KMT2B: variants seen among roughly 807,000 people sequenced by gnomAD.
KMT2B encodes histone-lysine N-methyltransferase 2B.
A neutral mutation model predicts 255.3 loss-of-function variants in KMT2B; 22 were observed. The observed-to-expected ratio is 0.09, with a 90% CI of 0.06 to 0.12. The LOEUF (loss-of-function observed/expected upper bound fraction) is 0.12, where lower values mean the gene tolerates loss of function less well. Among genes scored for constraint, KMT2B ranks in the 10% least tolerant of loss-of-function variants. The pLI is 1.00. For synonymous variants in KMT2B, 1,730 were observed against 1,498.1 expected (o/e 1.15, Z -3.57); for missense variants, 3,149 against 3,737.0 (o/e 0.84, Z 4.10).
chr19:35,732,363 G>A lies in KMT2B; in HGVS notation c.5814G>A (p.Gln1938=). The change falls in exon 28 of 37, where the codon CAG becomes CAA. Residue 1938 remains glutamine (Q), a synonymous_variant. Coordinates refer to ENST00000420124, the MANE Select transcript of KMT2B (RefSeq NM_014727.3). Reference sequence around the variant, plus strand: ...CCCCTCCTCTAAAAACCTCCCCTCAGCTCAGGGTGCCCCCTCCTACCTCAG... The same window carrying A: ...CCCCTCCTCTAAAAACCTCCCCTCAACTCAGGGTGCCCCCTCCTACCTCAG... ...WASPPLKTSP[Q]LRVPPPTSVV... The A allele has an allele frequency of 7.4e-6, 12 of 1,612,576 alleles. No homozygotes were observed. The highest frequency in any genetic ancestry group is 1.0e-5 in the Non-Finnish European group (12 of 1,179,324).
In KMT2B at chr19:35,732,866, C is replaced by T. The variant is rs1302449019; in HGVS notation, c.6317C>T (p.Pro2106Leu). The T allele has an allele frequency of 2.5e-6, 4 of 1,609,964 alleles. No individual in the cohort carries two copies. Among genetic ancestry groups the T allele is most frequent in the African/African-American group, 1.3e-5 (1 of 75,026 alleles). ...LGAAGDRARP[P>L]EDLPSEIVDF... The stretch of plus-strand genomic sequence containing the variant: ...GCTGCAGGGGACAGGGCCCGGCCTC[C>T]TGAGGACCTGCCATCGGAAATTGTG... The change falls in exon 28 of 37, where the codon CCT becomes CTT. Residue 2106 changes from proline to leucine, a missense_variant. By Grantham distance (98) the Pro-to-Leu change is moderately conservative. This residue lies in a region of KMT2B where 897 missense variants were observed against 825.3 expected (regional missense o/e 1.09). Transcript: ENST00000420124.
chr19:35,738,365 C>T lies in KMT2B; in HGVS notation c.7956C>T (p.Asn2652=), dbSNP rs761810501. ...ATGGCAATGCCGCCCGCTTCATCAA[C>T]CACTCCTGTGAGCCCAACTGCTTCT... is the stretch of plus-strand genomic sequence containing the variant. ...TMHGNAARFI[N]HSCEPNCFSR... The change falls in exon 37 of 37, where the codon AAC becomes AAT. Residue 2652 remains asparagine, a synonymous_variant. Coordinates refer to ENST00000420124, the MANE Select transcript of KMT2B (RefSeq NM_014727.3). The surrounding 1 kb of genome is among the most constrained non-coding windows in gnomAD (Gnocchi z 8.7). 1 of 1,614,098 alleles carries T rather than the reference C, an allele frequency of 6.2e-7. No homozygotes were observed. The highest frequency in any genetic ancestry group is 8.5e-7 in the Non-Finnish European group (1 of 1,179,968).
chr19:35,726,985 A>C lies in KMT2B; in HGVS notation c.4004-171A>C, dbSNP rs1438621263. 5.7e-4 allele frequency among the ~76,000 whole-genome samples: 42 copies of C among 73,900 alleles called. No individual in the cohort carries two copies. In the South Asian group the frequency reaches 0.017, roughly 30 times the overall value. 48.5% of individuals were successfully genotyped at this position (73,900 alleles called of 152,430 possible). ...GGTGACAGAGCAAGACACTGTCTCA[A>C]AAAAAAAAAAAAAAAAAAAGCCTCA... On this transcript the variant is annotated intron_variant, in intron 14 of 36. Transcript: ENST00000420124.
chr19:35,721,137 C>A lies in KMT2B; in HGVS notation c.1790C>A (p.Pro597His). The change falls in exon 3 of 37, where the codon CCT (proline) becomes CAT (histidine). Residue 597 changes from proline to histidine, a missense_variant. Pro to His is a moderately conservative substitution (Grantham distance 77, BLOSUM62 -2). Transcript: ENST00000420124. ...PTPPSTPVPL[P>H]EKRRSILREP... ...CCTCCATCTACCCCAGTTCCACTCCCTGAGAAGAGACGGTCCATCCTAAGG... is the reference window on the plus strand; with the variant it reads ...CCTCCATCTACCCCAGTTCCACTCCATGAGAAGAGACGGTCCATCCTAAGG... 1 of 1,604,856 alleles carries A rather than the reference C, an allele frequency of 6.2e-7. No homozygotes were observed. Among genetic ancestry groups the A allele is most frequent in the South Asian group, 1.1e-5 (1 of 89,208 alleles).
Position 35,725,823 on chromosome 19 carries a change from G to A in KMT2B, c.3885+5G>A. 6.4e-7 allele frequency: 1 copy of A among 1,563,916 alleles called. No homozygotes were observed. Among genetic ancestry groups the A allele is most frequent in the South Asian group, 1.2e-5 (1 of 85,598 alleles). The stretch of plus-strand genomic sequence containing the variant: ...ACGCGCAAACGGCGCCACTGGGTGA[G>A]AGATGAGGTTCACCCACTTGCTTTG... On this transcript the variant is annotated splice_donor_5th_base_variant and intron_variant, in intron 13 of 36. Transcript: ENST00000420124. This position sits in a 1 kb window ranked among gnomAD's most constrained non-coding sequence, Gnocchi z 4.1.
rs1969965289 is a variant in KMT2B at position 35,737,525 on chromosome 19, A to T, written c.7551-111A>T. The stretch of plus-strand genomic sequence containing the variant: ...GGCAAAACCCCATCTCTAAAATAAA[A>T]ATTTAAAAAAGTTATTTCTAGAGCT... On this transcript the variant is annotated intron_variant, in intron 33 of 36. Coordinates refer to ENST00000420124, the MANE Select transcript of KMT2B (RefSeq NM_014727.3). The surrounding 1 kb of genome is among the most constrained non-coding windows in gnomAD (Gnocchi z 5.3). 4.7e-6 allele frequency: 4 copies of T among 845,508 alleles called. No individual in the cohort carries two copies. The highest frequency in any genetic ancestry group is 1.7e-5 in the African/African-American group (1 of 58,384). 52.4% of individuals were successfully genotyped at this position (845,508 alleles called of 1,614,324 possible).
chr19:35,718,440 G>C lies in KMT2B; in HGVS notation c.363+59G>C. 1 of 1,218,570 alleles carries C rather than the reference G, an allele frequency of 8.2e-7. No individual in the cohort carries two copies. Among genetic ancestry groups the C allele is most frequent in the Non-Finnish European group, 1.0e-6 (1 of 970,438 alleles). 75.5% of individuals were successfully genotyped at this position (1,218,570 alleles called of 1,614,324 possible). The stretch of plus-strand genomic sequence containing the variant: ...GGGGCGGAGGCCGGGGCTTCCAGGG[G>C]TCTGGGTTGTCCCGGGGGCGGCGTG... On this transcript the variant is annotated intron_variant, in intron 1 of 36. Coordinates refer to ENST00000420124, the MANE Select transcript of KMT2B (RefSeq NM_014727.3). The surrounding 1 kb of genome is among the most constrained non-coding windows in gnomAD (Gnocchi z 5.0).
At position 35,725,762 on chromosome 19, in the gene KMT2B, C is replaced by A; in HGVS notation, c.3829C>A (p.Pro1277Thr). 1 of 1,602,972 alleles carries A rather than the reference C, an allele frequency of 6.2e-7. No individual in the cohort carries two copies. The highest frequency in any genetic ancestry group is 1.3e-5 in the African/African-American group (1 of 74,782). ...CGAGCGCTGCCGCCATGCATACCAC[C>A]CGGCCTGTCTGGGGCCCAGCTATCC... ...ECERCRHAYH[P>T]ACLGPSYPTR... Residue 1277 changes from proline (P) to threonine (T), a missense_variant, in exon 13 of 37, where the codon CCG becomes ACG. By Grantham distance (38) the Pro-to-Thr change is conservative. Coordinates refer to ENST00000420124, the MANE Select transcript of KMT2B (RefSeq NM_014727.3). The surrounding 1 kb of genome is among the most constrained non-coding windows in gnomAD (Gnocchi z 4.1).
At chr19:35,728,698 C>G in intron 19 of KMT2B, 76 bp from the exon 20 acceptor site, 2 of 1,092,884 alleles carry the variant, frequency 1.8e-6, no homozygotes, top group Non-Finnish European at 1.4e-6. Flanking sequence ...ATGGCGAGTT[C>G]AGGCTGGTTT....
Position 35,732,562 on chromosome 19 carries a change from G to C in KMT2B, c.6013G>C (p.Glu2005Gln). Residue 2005 changes from glutamate (E) to glutamine (Q), a missense_variant, in exon 28 of 37, where the codon GAA (glutamate) becomes CAA (glutamine). Around this residue, in one of 18 missense-constraint regions of KMT2B, gnomAD observed 897 missense variants for 825.3 expected, o/e 1.09. Transcript: ENST00000420124. ...ASLLGTEPFQ[E>Q]EIVAAGAMGS... ...CCTGCTGGGGACTGAGCCCTTCCAG[G>C]AAGAGATTGTAGCCGCTGGGGCCAT... 1 of 1,613,728 alleles carries C rather than the reference G, an allele frequency of 6.2e-7. No individual in the cohort carries two copies. Among genetic ancestry groups the C allele is most frequent in the Non-Finnish European group, 8.5e-7 (1 of 1,179,858 alleles).
chr19:35,732,347 T>C lies in KMT2B; in HGVS notation c.5798T>C (p.Leu1933Pro). 2 of 1,611,674 alleles carry C rather than the reference T, an allele frequency of 1.2e-6. No individual in the cohort carries two copies. The highest frequency in any genetic ancestry group is 1.7e-6 in the Non-Finnish European group (2 of 1,178,944). Residue 1933 changes from leucine (L) to proline (P), a missense_variant, in exon 28 of 37, where the codon CTA becomes CCA. Physicochemically the swap from Leu to Pro is moderately conservative, Grantham distance 98. Around this residue, in one of 18 missense-constraint regions of KMT2B, gnomAD observed 897 missense variants for 825.3 expected, o/e 1.09. Coordinates refer to ENST00000420124, the MANE Select transcript of KMT2B (RefSeq NM_014727.3). Reference protein sequence around the residue: ...PPPSRWASPPLKTSPQLRVPP... With the variant: ...PPPSRWASPPPKTSPQLRVPP... ...CCATCACGGTGGGCCTCCCCTCCTC[T>C]AAAAACCTCCCCTCAGCTCAGGGTG...
Position 35,736,691 on chromosome 19 carries a change from T to G in KMT2B, c.7161T>G (p.Gly2387=). The G allele has an allele frequency of 6.2e-7, 1 of 1,613,458 alleles. No individual in the cohort carries two copies. The highest frequency in any genetic ancestry group is 8.5e-7 in the Non-Finnish European group (1 of 1,179,574). The change falls in exon 31 of 37, where the codon GGT becomes GGG. Residue 2387 remains glycine (G), a splice_region_variant and synonymous_variant. Coordinates refer to ENST00000420124, the MANE Select transcript of KMT2B (RefSeq NM_014727.3). ...LLESQWHHYS[G]EASSSEEEPP... ...CTCCAACCTGCTTCTTGGGACCAGG[T>G]GAGGCTTCGAGCTCTGAGGAAGAGC... is the stretch of plus-strand genomic sequence containing the variant.
In KMT2B at chr19:35,725,647, A is replaced by G. The variant is rs1360979537; in HGVS notation, c.3789+22A>G. 1.9e-6 allele frequency: 3 copies of G among 1,612,508 alleles called. No homozygotes were observed. Among genetic ancestry groups the G allele is most frequent in the Non-Finnish European group, 2.5e-6 (3 of 1,179,740 alleles). On this transcript the variant is annotated intron_variant, in intron 12 of 36. Transcript: ENST00000420124. The surrounding 1 kb of genome is among the most constrained non-coding windows in gnomAD (Gnocchi z 4.1). ...CAAGGTTTGGGCCCAAGGGCTGGCC[A>G]GGGTGGGTGGAGGCCTGAAGGTGAG...
Position 35,723,438 on chromosome 19 carries a change from C to T in KMT2B, c.3003-9C>T. The T allele has an allele frequency of 6.4e-7, 1 of 1,574,210 alleles. No individual in the cohort carries two copies. Among genetic ancestry groups the T allele is most frequent in the South Asian group, 1.2e-5 (1 of 85,628 alleles). On this transcript the variant is annotated splice_polypyrimidine_tract_variant and intron_variant, in intron 6 of 36. Transcript: ENST00000420124. This position sits in a 1 kb window ranked among gnomAD's most constrained non-coding sequence, Gnocchi z 7.5. ...CCCTACCCTGGTGACGTGCTGCTCCCCTCCCCAGATACCGGAAGTGTGACA... is the reference window on the plus strand; with the variant it reads ...CCCTACCCTGGTGACGTGCTGCTCCTCTCCCCAGATACCGGAAGTGTGACA...
In KMT2B at chr19:35,718,606, C is replaced by A. The variant is rs1969053757; in HGVS notation, c.363+225C>A. ...CCAGGCACTCGCGCCCGATGTCGGT[C>A]CCGCTGAAGTGTCTTGGGCCGATCC... On this transcript the variant is annotated intron_variant, in intron 1 of 36. Coordinates refer to ENST00000420124, the MANE Select transcript of KMT2B (RefSeq NM_014727.3). The surrounding 1 kb of genome is among the most constrained non-coding windows in gnomAD (Gnocchi z 5.0). 6.6e-6 allele frequency among the ~76,000 whole-genome samples: 1 copy of A among 152,234 alleles called. No individual in the cohort carries two copies. Among genetic ancestry groups the A allele is most frequent in the African/African-American group, 2.4e-5 (1 of 41,458 alleles).
chr19:35,720,342 A>G lies in KMT2B; in HGVS notation c.995A>G (p.His332Arg). 2.5e-6 allele frequency: 4 copies of G among 1,610,922 alleles called. No individual in the cohort carries two copies. Among genetic ancestry groups the G allele is most frequent in the Non-Finnish European group, 3.4e-6 (4 of 1,178,572 alleles). The change falls in exon 3 of 37, where the codon CAT becomes CGT. Residue 332 changes from histidine to arginine, a missense_variant. By Grantham distance (29) the His-to-Arg change is conservative. Coordinates refer to ENST00000420124, the MANE Select transcript of KMT2B (RefSeq NM_014727.3). ...GAATCAGGTCAAGGTCAAGGTCAAC[A>G]TGAGGAAAGTTGGCAGGATGTCCCC... ...GLESGQGQGQ[H>R]EESWQDVPQR...
Position 35,725,607 on chromosome 19 carries a change from C to T in KMT2B, c.3771C>T (p.Arg1257=), listed in dbSNP as rs768529644. 3.1e-6 allele frequency: 5 copies of T among 1,610,638 alleles called. No homozygotes were observed. In the South Asian group the frequency reaches 3.3e-5, roughly 11 times the overall value. The change falls in exon 12 of 37, where the codon CGC becomes CGT. Residue 1257 remains arginine (R), a synonymous_variant. Transcript: ENST00000420124. This position sits in a 1 kb window ranked among gnomAD's most constrained non-coding sequence, Gnocchi z 4.1. ...GCAAATTCTGCCACGTCTGTGGACG[C>T]AAAGGTCGTGGATCCAAGGTTTGGG... is the stretch of plus-strand genomic sequence containing the variant. ...RRCKFCHVCG[R]KGRGSKHLLE...
At position 35,722,414 on chromosome 19, in the gene KMT2B, A is replaced by G. The variant is rs1177164689; in HGVS notation, c.2513A>G (p.Asp838Gly). 2 of 1,610,998 alleles carry G rather than the reference A, an allele frequency of 1.2e-6. No homozygotes were observed. The highest frequency in any genetic ancestry group is 2.2e-5 in the East Asian group (1 of 44,878). Residue 838 changes from aspartate to glycine, a missense_variant, in exon 4 of 37, where the codon GAC becomes GGC. Transcript: ENST00000420124. ...EVAGAVKQIS[D>G]RGPVRSEDES... ...GCCGGGGCTGTCAAGCAGATCTCCG[A>G]CAGAGGCCCTGTCCGGTCTGAAGAT...
chr19:35,737,971 C>G lies in KMT2B; in HGVS notation c.7742+29C>G. 1 of 1,606,780 alleles carries G rather than the reference C, an allele frequency of 6.2e-7. No homozygotes were observed. Among genetic ancestry groups the G allele is most frequent in the South Asian group, 1.1e-5 (1 of 90,076 alleles). On this transcript the variant is annotated intron_variant, in intron 35 of 36. Coordinates refer to ENST00000420124, the MANE Select transcript of KMT2B (RefSeq NM_014727.3). This position sits in a 1 kb window ranked among gnomAD's most constrained non-coding sequence, Gnocchi z 5.3. ...AGTGGGGTTGGGGGGGAGGATGCCC[C>G]TTGGGTGGACGGACAGGTGCACTGG... is the stretch of plus-strand genomic sequence containing the variant.
Sources: allele counts gnomAD v4.1 joint callset (sites outside exome capture counted in the v4.1 genomes callset), GRCh38; gene constraint gnomAD v4.1.1; regional missense constraint gnomAD v4.1.1; non-coding constraint Gnocchi (gnomAD v3.1); transcripts MANE v1.5; gene names NCBI Gene and HGNC (gene_info 2026-07-23, HGNC 2026-07-21).